TUFT1: variants seen among roughly 807,000 people sequenced by gnomAD.
TUFT1 encodes tuftelin.
In TUFT1, 43 loss-of-function variants were observed where a neutral mutation model predicts 57.8. The observed-to-expected ratio is 0.74, with a 90% CI of 0.58 to 0.96. TUFT1 has a LOEUF of 0.96. Ranked by LOEUF, TUFT1 falls within the 40% of genes least tolerant of loss-of-function variation. The pLI, the probability that TUFT1 is intolerant of heterozygous loss-of-function variation, is 0.00. For missense variants in TUFT1, 459 were observed against 489.0 expected (o/e 0.94, Z 0.58); for synonymous variants, 166 against 176.7 (o/e 0.94, Z 0.48).
chr1:151,571,186 C>A (rs1666239086), intron 7 of TUFT1, among the ~76,000 whole-genome samples: 1 of 152,202 alleles, frequency 6.6e-6, no homozygotes, highest in African/African-American at 2.4e-5. Flanking sequence ...TTTCATGGAA[C>A]TGAGAAGGAG....
intron 1 of TUFT1, 70 bp downstream of exon 1, chr1:151,540,496 C>A: frequency 6.3e-7 from 1 of 1,582,134 alleles, no homozygotes; most frequent in Non-Finnish European, 8.7e-7. Context: ...CCTTCCGTGC[C>A]CCGCGCCGTG....
chr1:151,569,123 C>G (rs752078422), intron 6 of TUFT1, among the ~76,000 whole-genome samples: 17 of 152,220 alleles, frequency 1.1e-4, no homozygotes, highest in Non-Finnish European at 2.2e-4. Context: ...TTCGTGGACT[C>G]ATTGCATGCT....
At chr1:151,554,695 CTTTTTTTTTTTTTTTT>C (rs771656418) in intron 1 of TUFT1, among the ~76,000 whole-genome samples, 3 of 85,652 alleles carry the variant, frequency 3.5e-5, no homozygotes, top group Admixed American at 2.7e-4. Flanking sequence ...GCCCGGCCCC[CTTTTTTTTTTTTTTTT>C]TTTTTTTTTT....
chr1:151,565,908 C>T (rs1666054690), intron 5 of TUFT1: 1 of 397,374 alleles, frequency 2.5e-6, no homozygotes, highest in Non-Finnish European at 4.7e-6. Context: ...TCTCTCCACC[C>T]CCTCTTGTTT....
intron 1 of TUFT1, chr1:151,557,458 A>G: frequency 7.2e-7 from 1 of 1,386,954 alleles, no homozygotes; most frequent in Non-Finnish European, 1.0e-6. Context: ...GTTGATGCCT[A>G]AGAACCGGAT....
At chr1:151,578,510 A>G (rs1225511084) in intron 9 of TUFT1, among the ~76,000 whole-genome samples, 7 of 152,044 alleles carry the variant, frequency 4.6e-5, no homozygotes, top group African/African-American at 9.7e-5. Flanking sequence ...GGGTTTCACT[A>G]TGTTGGCCAG....
intron 1 of TUFT1, among the ~76,000 whole-genome samples, chr1:151,544,345 G>A (rs527852049): frequency 2.6e-5 from 4 of 152,154 alleles, no homozygotes; most frequent in Non-Finnish European, 5.9e-5. Context: ...CACCCAGGCT[G>A]GGGTGCGGTG....
intron 5 of TUFT1, 77 bp from the exon 6 acceptor site, chr1:151,566,086 G>C (rs1666067435): frequency 2.7e-6 from 2 of 752,470 alleles, no homozygotes; most frequent in African/African-American, 4.3e-5. Flanking sequence ...TCTAAGATTT[G>C]AGTGTTAGGA....
At chr1:151,559,602 C>G (rs1039483950) in intron 1 of TUFT1, among the ~76,000 whole-genome samples, 3 of 152,126 alleles carry the variant, frequency 2.0e-5, no homozygotes, top group African/African-American at 7.2e-5. Flanking sequence ...GCCTTGCATG[C>G]CACTCTAAGG....
At chr1:151,576,813 T>C (rs1666479847) in intron 9 of TUFT1, among the ~76,000 whole-genome samples, 1 of 152,242 alleles carries the variant, frequency 6.6e-6, no homozygotes, top group East Asian at 1.9e-4. Flanking sequence ...TTAGTAGAGA[T>C]GGGGTTTCAC....
In TUFT1 at chr1:151,543,805, C is replaced by G. The variant is rs573570086; in HGVS notation, c.60+3379C>G. Reference sequence around the variant, plus strand: ...AGGGTTCCTTGACTGATAGGCCCCCCCCAGATTACAGTGATGGAAGGAGAT... The same window carrying G: ...AGGGTTCCTTGACTGATAGGCCCCCGCCAGATTACAGTGATGGAAGGAGAT... On this transcript the variant is annotated intron_variant, in intron 1 of 12. Transcript: ENST00000368849. Among the ~76,000 whole-genome samples, 6 of 152,194 alleles carry G rather than the reference C, an allele frequency of 3.9e-5. No homozygotes were observed. The East Asian group carries it at 1.2e-3, about 29-fold the overall frequency.
rs780632704 is a variant in TUFT1, at chr1:151,574,968, C to A, written c.781C>A (p.Arg261=). 2 of 1,575,288 alleles carry A rather than the reference C, an allele frequency of 1.3e-6. No individual in the cohort carries two copies. Among genetic ancestry groups the A allele is most frequent in the Admixed American group, 1.8e-5 (1 of 54,110 alleles). ...REGEVALEEL[R]SNNADCQAER... ...AGGGGAGGTGGCCCTAGAGGAACTT[C>A]GGAGCAACAATGCTGACTGCCAAGC... Residue 261 remains arginine (R), a synonymous_variant, in exon 9 of 13, where the codon CGG becomes AGG. Coordinates refer to ENST00000368849, the MANE Select transcript of TUFT1 (RefSeq NM_020127.3).
chr1:151,561,471 G>GTGCACACACACA (rs1665889493), intron 1 of TUFT1: 1 of 311,886 alleles, frequency 3.2e-6, no homozygotes, highest in African/African-American at 2.6e-5. Context: ...GCGCGCGCGC[G>GTGCACACACACA]CGCACACACA....
rs201739049 is a variant in TUFT1 at position 151,544,378 on chromosome 1, C to CCTCCAT, written c.60+3957_60+3962dup. 3.5e-3 allele frequency among the ~76,000 whole-genome samples: 527 copies of CCTCCAT among 152,048 alleles called. 2 individuals carry two copies. Among genetic ancestry groups the CCTCCAT allele is most frequent in the African/African-American group, 0.012 (514 of 41,476 alleles). On this transcript the variant is annotated intron_variant, in intron 1 of 12. Transcript: ENST00000368849. ...GTGGCACAATCTTGGCTCACTGCAACCTCCATCTCCCTGGTTCAAGCAATT... is the reference window on the plus strand; with the variant it reads ...GTGGCACAATCTTGGCTCACTGCAACCTCCATCTCCATCTCCCTGGTTCAAGCAATT...
chr1:151,578,257 G>A (rs184040704), intron 9 of TUFT1, among the ~76,000 whole-genome samples: 7 of 152,144 alleles, frequency 4.6e-5, no homozygotes, highest in East Asian at 3.9e-4. Flanking sequence ...TAACCTTTCC[G>A]AGCCTCAGTT....
chr1:151,580,399 G>C (rs1666610099), intron 11 of TUFT1, among the ~76,000 whole-genome samples: 1 of 152,196 alleles, frequency 6.6e-6, no homozygotes, highest in Non-Finnish European at 1.5e-5. Flanking sequence ...AGTGGCTCAT[G>C]CCTGTAATCC....
intron 1 of TUFT1, among the ~76,000 whole-genome samples, chr1:151,548,591 G>A (rs908425978): frequency 7.9e-5 from 12 of 152,034 alleles, no homozygotes; most frequent in African/African-American, 1.7e-4. Flanking sequence ...TTGAGCCTCC[G>A]TGCCCAGCCT....
chr1:151,542,195 C>G (rs751019342), intron 1 of TUFT1, among the ~76,000 whole-genome samples: 4 of 151,716 alleles, frequency 2.6e-5, no homozygotes, highest in African/African-American at 4.8e-5. Flanking sequence ...TATTTTTTTT[C>G]TTTCTTCCTT....
At chr1:151,555,545 G>A (rs1167525641) in intron 1 of TUFT1, among the ~76,000 whole-genome samples, 2 of 150,772 alleles carry the variant, frequency 1.3e-5, no homozygotes, top group South Asian at 2.1e-4. Flanking sequence ...TTGGGAGGCC[G>A]AGGCAGGCAG....
Sources: gnomAD v4.1 joint callset for allele counts (sites outside exome capture counted in the v4.1 genomes callset) on GRCh38, gnomAD v4.1.1 for gene constraint, MANE v1.5 for transcripts, NCBI Gene and HGNC (gene_info 2026-07-23, HGNC 2026-07-21) for gene names.